Variants in KCND2 observed in about 807,000 individuals in gnomAD.
KCND2 encodes A-type voltage-gated potassium channel KCND2.
KCND2 carries 16 observed loss-of-function variants against 54.4 expected under a neutral mutation model. The observed-to-expected ratio is 0.29, with a 90% CI of 0.20 to 0.45. The LOEUF (loss-of-function observed/expected upper bound fraction) is 0.45, where lower values mean the gene tolerates loss of function less well. Among genes scored for constraint, KCND2 ranks in the 20% least tolerant of loss-of-function variants. The pLI is 1.00. For missense variants in KCND2, 486 were observed against 824.2 expected, an observed-to-expected ratio of 0.59 and a Z score of 5.02; for synonymous variants, 317 against 310.7, an observed-to-expected ratio of 1.02 and a Z score of -0.21.
intron 1 of KCND2, among the ~76,000 whole-genome samples, chr7:120,385,164 G>A (rs1800970795): frequency 6.6e-6 from 1 of 151,126 alleles, no homozygotes; most frequent in Middle Eastern, 3.4e-3. Flanking sequence ...ATGCCACCAC[G>A]CTCGACTATT....
chr7:120,579,601 A>AAAT (rs1310267239), intron 1 of KCND2, among the ~76,000 whole-genome samples: 1 of 140,328 alleles, frequency 7.1e-6, no homozygotes, highest in African/African-American at 2.6e-5. Flanking sequence ...ACTCTGTCTA[A>AAAT]AAATAAATAA....
At chr7:120,278,776 G>T (rs1471368767) in intron 1 of KCND2, among the ~76,000 whole-genome samples, 1 of 151,296 alleles carries the variant, frequency 6.6e-6, no homozygotes, top group African/African-American at 2.4e-5. Flanking sequence ...AAAAATGAAC[G>T]CTTTAAAAAT....
At chr7:120,372,909 G>T (rs1800783958) in intron 1 of KCND2, among the ~76,000 whole-genome samples, 1 of 151,844 alleles carries the variant, frequency 6.6e-6, no homozygotes, top group Admixed American at 6.6e-5. Flanking sequence ...TTATGAATCT[G>T]GACTTTTTGG....
chr7:120,698,357 T>C (rs539534353), intron 1 of KCND2, among the ~76,000 whole-genome samples: 3 of 152,340 alleles, frequency 2.0e-5, no homozygotes, highest in Middle Eastern at 3.4e-3. Context: ...TTAAGCTCAA[T>C]TGCTTGCTAA....
At chr7:120,330,229 G>A (rs1433256369) in intron 1 of KCND2, among the ~76,000 whole-genome samples, 3 of 151,922 alleles carry the variant, frequency 2.0e-5, no homozygotes, top group South Asian at 2.1e-4. Context: ...GTAGGTGAAC[G>A]TAGTGAGGAA....
chr7:120,705,529 A>C (rs531869296), intron 1 of KCND2, among the ~76,000 whole-genome samples: 1 of 152,270 alleles, frequency 6.6e-6, no homozygotes, highest in South Asian at 2.1e-4. Context: ...TGTCGATAAT[A>C]ATGGCTACCT....
intron 1 of KCND2, among the ~76,000 whole-genome samples, chr7:120,496,276 A>G (rs1051309958): frequency 2.0e-5 from 3 of 151,324 alleles, no homozygotes; most frequent in Admixed American, 6.6e-5. Flanking sequence ...CTCTCTCTAT[A>G]CTCTTTTTGT....
intron 1 of KCND2, among the ~76,000 whole-genome samples, chr7:120,409,782 T>A (rs1801420629): frequency 6.6e-6 from 1 of 151,948 alleles, no homozygotes; most frequent in Non-Finnish European, 1.5e-5. Flanking sequence ...GTATTCTAGA[T>A]ACAAGTTCTT....
At chr7:120,312,329 G>A (rs1336739292) in intron 1 of KCND2, among the ~76,000 whole-genome samples, 2 of 151,842 alleles carry the variant, frequency 1.3e-5, no homozygotes, top group African/African-American at 4.8e-5. Context: ...ATTATTGTGA[G>A]TAGTGTTGCA....
intron 1 of KCND2, among the ~76,000 whole-genome samples, chr7:120,324,356 A>G (rs1463950536): frequency 6.8e-6 from 1 of 146,542 alleles, no homozygotes; most frequent in Non-Finnish European, 1.5e-5. Context: ...TTGGTGTTTT[A>G]GACATGAAGT....
chr7:120,687,732 AT>A (rs533219283), intron 1 of KCND2, among the ~76,000 whole-genome samples: 6 of 152,266 alleles, frequency 3.9e-5, no homozygotes, highest in South Asian at 4.1e-4. Context: ...TTCAAAATAC[AT>A]TTTTTTAAAA....
At chr7:120,565,902 A>G (rs1040399878) in intron 1 of KCND2, among the ~76,000 whole-genome samples, 7 of 152,194 alleles carry the variant, frequency 4.6e-5, no homozygotes, top group African/African-American at 1.7e-4. Context: ...TCAGTGATCT[A>G]ACACAAGGAT....
At chr7:120,508,891 ATTTTT>A (rs57245091) in intron 1 of KCND2, among the ~76,000 whole-genome samples, 3 of 138,250 alleles carry the variant, frequency 2.2e-5, no homozygotes, top group African/African-American at 8.3e-5. Context: ...GCCTTTCACG[ATTTTT>A]TTTTTTTTTG....
chr7:120,453,734 C>T (rs555472987), intron 1 of KCND2, among the ~76,000 whole-genome samples: 97 of 152,176 alleles, frequency 6.4e-4, no homozygotes, highest in Non-Finnish European at 9.6e-4. Flanking sequence ...TAGAATTTCT[C>T]GGACACAGCT....
rs747909733 is a variant in KCND2, at chr7:120,747,939, A to C, written c.*81A>C. On this transcript the variant is annotated 3_prime_UTR_variant, in exon 6 of 6. Transcript: ENST00000331113. ...ACATAGAAGAAAGAAGAAACAATAAATATTCTGCAGATTAATGCAGCAAAG... is the reference window on the plus strand; with the variant it reads ...ACATAGAAGAAAGAAGAAACAATAACTATTCTGCAGATTAATGCAGCAAAG... 3.3e-5 allele frequency: 37 copies of C among 1,130,126 alleles called. No individual in the cohort carries two copies. The highest frequency in any genetic ancestry group is 4.7e-5 in the Non-Finnish European group (36 of 765,128). The allele number at this position is 1,130,126 out of a possible 1,614,324, so 70.0% of individuals were successfully genotyped here.
intron 1 of KCND2, among the ~76,000 whole-genome samples, chr7:120,463,782 T>G (rs181311481): frequency 7.2e-5 from 11 of 152,256 alleles, no homozygotes; most frequent in Admixed American, 7.2e-4. Flanking sequence ...GGCTGCAGGT[T>G]GGAAAAGCCA....
chr7:120,341,225 GA>G (rs922662835), intron 1 of KCND2, among the ~76,000 whole-genome samples: 16 of 152,014 alleles, frequency 1.1e-4, no homozygotes, highest in Non-Finnish European at 2.4e-4. Context: ...CAGAAGAAAG[GA>G]AAAACTGTGA....
chr7:120,545,211 C>T (rs926630009), intron 1 of KCND2, among the ~76,000 whole-genome samples: 1 of 151,830 alleles, frequency 6.6e-6, no homozygotes, highest in Non-Finnish European at 1.5e-5. Flanking sequence ...CTGTTTCCCA[C>T]CCATCAATCT....
chr7:120,445,175 A>T (rs952244744), intron 1 of KCND2, among the ~76,000 whole-genome samples: 1 of 152,214 alleles, frequency 6.6e-6, no homozygotes, highest in East Asian at 1.9e-4. Context: ...GACAAATGAC[A>T]GTCATATTCA....
Sources: allele counts gnomAD v4.1 joint callset (sites outside exome capture counted in the v4.1 genomes callset), GRCh38; gene constraint gnomAD v4.1.1; transcripts MANE v1.5; gene names NCBI Gene and HGNC (gene_info 2026-07-23, HGNC 2026-07-21).